The following PTPRD variants were observed in gnomAD, a reference collection of about 807,000 sequenced individuals.
PTPRD encodes receptor-type tyrosine-protein phosphatase delta.
A neutral mutation model predicts 214.5 loss-of-function variants in PTPRD; 34 were observed. The ratio of observed to expected loss-of-function variants is 0.16; its 90% confidence interval spans 0.12 to 0.21. The LOEUF (loss-of-function observed/expected upper bound fraction) is 0.21. Ranked by LOEUF, PTPRD falls within the 10% of genes least tolerant of loss-of-function variation. The pLI is 1.00. For synonymous variants in PTPRD, 1,128 were observed against 845.7 expected, an observed-to-expected ratio of 1.33 and a Z score of -5.79; for missense variants, 2,545 against 2,398.7, an observed-to-expected ratio of 1.06 and a Z score of -1.27.
At chr9:8,376,148 G>T in intron 38 of PTPRD, 58 bp from the exon 39 acceptor site, 1 of 1,584,188 alleles carries the variant, frequency 6.3e-7, no homozygotes, top group Non-Finnish European at 8.6e-7. Flanking sequence ...TGGTAATGAT[G>T]AATAACAGGG....
chr9:8,391,392 T>G (rs2089500063), intron 36 of PTPRD, among the ~76,000 whole-genome samples: 1 of 152,166 alleles, frequency 6.6e-6, no homozygotes, highest in Non-Finnish European at 1.5e-5. Context: ...ACATTATTCA[T>G]CTATTACAGC....
In PTPRD at chr9:9,384,343, C is replaced by CTT. The variant is rs869246078; in HGVS notation, c.-203+13104_-203+13105dup. ...GATGATATTTGAGCAGAAGACTAGG[C>CTT]TTTTTTTTTTTTTTTTTTTTTTTTT... On this transcript the variant is annotated intron_variant, in intron 9 of 45. Transcript: ENST00000381196. 9.9e-4 allele frequency among the ~76,000 whole-genome samples: 33 copies of CTT among 33,318 alleles called. 9 individuals carry two copies. The highest frequency in any genetic ancestry group is 2.1e-3 in the Non-Finnish European group (30 of 14,296). The allele number at this position is 33,318 out of a possible 152,430, so 21.9% of individuals were successfully genotyped here.
At chr9:9,493,447 C>T (rs1465060875) in intron 8 of PTPRD, among the ~76,000 whole-genome samples, 3 of 152,102 alleles carry the variant, frequency 2.0e-5, no homozygotes, top group African/African-American at 7.2e-5. Flanking sequence ...CATTCTGCAG[C>T]TCATGGATCA....
intron 4 of PTPRD, among the ~76,000 whole-genome samples, chr9:10,010,283 T>C (rs1588830209): frequency 6.6e-6 from 1 of 151,978 alleles, no homozygotes; most frequent in Non-Finnish European, 1.5e-5. Context: ...TAAAATGTAA[T>C]TCATTTACAT....
At position 8,521,575 on chromosome 9, in the gene PTPRD, CAT is replaced by C; in HGVS notation, c.692-31_692-30del. 5 of 1,604,466 alleles carry C rather than the reference CAT, an allele frequency of 3.1e-6. No individual in the cohort carries two copies. The South Asian group carries it at 3.3e-5, about 11-fold the overall frequency. ...GAACAAAACACAAGGGAAATGATAACATATACAAGGCAAGAAAAAGTGGATTA... is the reference window on the plus strand; with the variant it reads ...GAACAAAACACAAGGGAAATGATAACATACAAGGCAAGAAAAAGTGGATTA... On this transcript the variant is annotated intron_variant, in intron 19 of 45. Coordinates refer to ENST00000381196, the MANE Select transcript of PTPRD (RefSeq NM_002839.4).
intron 39 of PTPRD, among the ~76,000 whole-genome samples, chr9:8,374,409 A>G (rs1267312634): frequency 6.6e-6 from 1 of 151,986 alleles, no homozygotes; most frequent in East Asian, 1.9e-4. Context: ...AGGCAGGAGA[A>G]CCAGAAGTCT....
At chr9:9,179,238 T>C (rs547700075) in intron 10 of PTPRD, among the ~76,000 whole-genome samples, 5 of 152,284 alleles carry the variant, frequency 3.3e-5, no homozygotes, top group Non-Finnish European at 7.4e-5. Context: ...TATTAAAACA[T>C]GATACTGCAT....
intron 3 of PTPRD, among the ~76,000 whole-genome samples, chr9:10,040,852 C>A (rs562649197): frequency 5.3e-5 from 8 of 152,090 alleles, no homozygotes; most frequent in African/African-American, 1.9e-4. Context: ...ACACAAAGTG[C>A]AATATGTGCT....
intron 14 of PTPRD, among the ~76,000 whole-genome samples, chr9:8,614,883 A>G (rs766100139): frequency 2.6e-5 from 4 of 152,178 alleles, no homozygotes; most frequent in Non-Finnish European, 4.4e-5. Context: ...AAGTAACTCC[A>G]CCAAGGAAGA....
At chr9:8,364,590 A>T (rs1488550856) in intron 39 of PTPRD, among the ~76,000 whole-genome samples, 1 of 152,204 alleles carries the variant, frequency 6.6e-6, no homozygotes, top group East Asian at 1.9e-4. Context: ...AGCCACTGTG[A>T]ACCAGAGCAG....
intron 10 of PTPRD, among the ~76,000 whole-genome samples, chr9:9,128,873 A>G (rs2099838229): frequency 6.6e-6 from 1 of 152,234 alleles, no homozygotes; most frequent in Non-Finnish European, 1.5e-5. Flanking sequence ...CATAATTTTA[A>G]AATTATGAAT....
chr9:10,107,254 A>T (rs147694039), intron 3 of PTPRD, among the ~76,000 whole-genome samples: 6 of 152,152 alleles, frequency 3.9e-5, no homozygotes, highest in African/African-American at 1.4e-4. Context: ...GGCCAGCAAC[A>T]TTGTAGAAAT....
intron 22 of PTPRD, 65 bp from the exon 23 acceptor site, chr9:8,504,470 T>G: frequency 6.5e-7 from 1 of 1,540,234 alleles, no homozygotes; most frequent in Admixed American, 1.7e-5. Flanking sequence ...TTAATCATAC[T>G]GTCTGGACCA....
intron 12 of PTPRD, among the ~76,000 whole-genome samples, chr9:8,658,275 T>C (rs937137475): frequency 4.6e-5 from 7 of 152,186 alleles, no homozygotes; most frequent in Admixed American, 1.3e-4. Context: ...TATATGTAAA[T>C]AGCAATTTAA....
intron 3 of PTPRD, among the ~76,000 whole-genome samples, chr9:10,240,728 A>G (rs896775872): frequency 1.3e-5 from 2 of 151,910 alleles, no homozygotes; most frequent in Non-Finnish European, 2.9e-5. Context: ...ACCCCTAACA[A>G]ATAACAGCTA....
At chr9:10,525,698 G>C (rs949800492) in intron 2 of PTPRD, among the ~76,000 whole-genome samples, 13 of 149,622 alleles carry the variant, frequency 8.7e-5, no homozygotes, top group East Asian at 5.9e-4. Context: ...ATTTTCACAA[G>C]TCAGGGAAGG....
At chr9:10,131,373 C>T (rs938921709) in intron 3 of PTPRD, among the ~76,000 whole-genome samples, 3 of 152,124 alleles carry the variant, frequency 2.0e-5, no homozygotes, top group East Asian at 1.9e-4. Context: ...ACTATTTCAA[C>T]AAAGTAAGAG....
chr9:10,335,266 C>A (rs1237495104), intron 3 of PTPRD, among the ~76,000 whole-genome samples: 1 of 151,638 alleles, frequency 6.6e-6, no homozygotes, highest in Non-Finnish European at 1.5e-5. Context: ...AGAAAGAGCA[C>A]CTAGAAACAG....
At chr9:9,984,742 C>G (rs776672477) in intron 4 of PTPRD, among the ~76,000 whole-genome samples, 9 of 151,992 alleles carry the variant, frequency 5.9e-5, no homozygotes, top group Non-Finnish European at 1.0e-4. Context: ...GGGACACAAA[C>G]CTGGGGCAGC....
Sources: gnomAD v4.1 joint callset for allele counts (sites outside exome capture counted in the v4.1 genomes callset) on GRCh38, gnomAD v4.1.1 for gene constraint, MANE v1.5 for transcripts, NCBI Gene and HGNC (gene_info 2026-07-23, HGNC 2026-07-21) for gene names.